The following RALGAPB variants were observed in gnomAD, a reference collection of about 807,000 sequenced individuals.
The protein encoded by RALGAPB is Ral GTPase activating protein non-catalytic subunit beta.
A neutral mutation model predicts 161.1 loss-of-function variants in RALGAPB; 25 were observed. The ratio of observed to expected loss-of-function variants is 0.16; its 90% confidence interval spans 0.11 to 0.22. The LOEUF is 0.22. RALGAPB is among the 10% of genes least tolerant of loss of function. RALGAPB has a pLI of 1.00. For missense variants in RALGAPB, 1,391 were observed against 1,815.2 expected (o/e 0.77, Z 4.25); for synonymous variants, 629 against 626.1 (o/e 1.00, Z -0.07).
chr20:38,567,850 T>G (rs1258326433), intron 26 of RALGAPB, among the ~76,000 whole-genome samples: 1 of 152,196 alleles, frequency 6.6e-6, no homozygotes, highest in Non-Finnish European at 1.5e-5. Context: ...TTAGCTTCCT[T>G]CCACAGTGAA....
chr20:38,554,368 G>T (rs1241639538), intron 22 of RALGAPB, among the ~76,000 whole-genome samples: 1 of 152,098 alleles, frequency 6.6e-6, no homozygotes, highest in African/African-American at 2.4e-5. Context: ...ACAGATAAAT[G>T]AAATCTATAG....
At chr20:38,518,440 T>A (rs1427937735) in intron 9 of RALGAPB, among the ~76,000 whole-genome samples, 1 of 152,242 alleles carries the variant, frequency 6.6e-6, no homozygotes, top group Non-Finnish European at 1.5e-5. Flanking sequence ...CACACTACAC[T>A]CTGACCTCTC....
chr20:38,481,115 C>T (rs2084954680), intron 1 of RALGAPB, among the ~76,000 whole-genome samples: 1 of 152,154 alleles, frequency 6.6e-6, no homozygotes, highest in African/African-American at 2.4e-5. Flanking sequence ...CTTCAATGCA[C>T]AATTCGTATG....
At chr20:38,491,708 G>A (rs1354765990) in intron 2 of RALGAPB, among the ~76,000 whole-genome samples, 1 of 152,112 alleles carries the variant, frequency 6.6e-6, no homozygotes, top group East Asian at 1.9e-4. Flanking sequence ...TTTCTTATGT[G>A]TACAGTAAGG....
intron 1 of RALGAPB, among the ~76,000 whole-genome samples, chr20:38,479,637 C>T (rs1199997341): frequency 6.6e-6 from 1 of 152,144 alleles, no homozygotes; most frequent in Non-Finnish European, 1.5e-5. Context: ...GACTTCTTCC[C>T]CTTCTTCCCA....
intron 6 of RALGAPB, among the ~76,000 whole-genome samples, chr20:38,514,272 A>G (rs993915175): frequency 2.0e-5 from 3 of 152,194 alleles, no homozygotes; most frequent in African/African-American, 7.2e-5. Context: ...TTCTTTCTCC[A>G]GCAGGCTTGC....
Position 38,497,521 on chromosome 20 carries a change from GTTTATT to G in RALGAPB, c.553+9_553+14del. The G allele has an allele frequency of 6.3e-7, 1 of 1,587,004 alleles. No individual in the cohort carries two copies. The highest frequency in any genetic ancestry group is 8.5e-7 in the Non-Finnish European group (1 of 1,171,652). ...TGGCCCCACCAACTGTTCAAGGTTT[GTTTATT>G]TTTTTTTTTCTAATTTATTTCTGAG... On this transcript the variant is annotated splice_donor_region_variant and intron_variant, in intron 4 of 29. Coordinates refer to ENST00000262879, the MANE Select transcript of RALGAPB (RefSeq NM_020336.4).
Position 38,568,181 on chromosome 20 carries a change from C to T in RALGAPB, c.3954+949C>T, listed in dbSNP as rs545007642. On this transcript the variant is annotated intron_variant, in intron 26 of 29. Coordinates refer to ENST00000262879, the MANE Select transcript of RALGAPB (RefSeq NM_020336.4). ...TGCCAGCATAGTTATTCCTTAGAAC[C>T]CAGATAAAGCACCATGTTTTTGTTT... 1.5e-4 allele frequency among the ~76,000 whole-genome samples: 23 copies of T among 151,888 alleles called. No homozygotes were observed. In the South Asian group the frequency reaches 4.8e-3, roughly 32 times the overall value.
In RALGAPB at chr20:38,574,416, A is replaced by G. The variant is rs1325774183; in HGVS notation, c.4291+118A>G. 6 of 1,156,094 alleles carry G rather than the reference A, an allele frequency of 5.2e-6. No homozygotes were observed. The African/African-American group carries it at 6.4e-5, about 12-fold the overall frequency. 71.6% of individuals were successfully genotyped at this position (1,156,094 alleles called of 1,614,324 possible). A position where few individuals can be genotyped will look rare whatever the true frequency, so the allele number is the denominator to read the frequency against. On this transcript the variant is annotated intron_variant, in intron 29 of 29. Coordinates refer to ENST00000262879, the MANE Select transcript of RALGAPB (RefSeq NM_020336.4). ...AATTAATAGCTTCCACATGTAGGAA[A>G]TGGTATGGCTCTTGTTAAAAAGGGA...
At chr20:38,561,528 G>A (rs2087785873) in intron 23 of RALGAPB, among the ~76,000 whole-genome samples, 1 of 152,282 alleles carries the variant, frequency 6.6e-6, no homozygotes, top group South Asian at 2.1e-4. Flanking sequence ...GGAATTTTTA[G>A]AAATAGTGAT....
intron 14 of RALGAPB, 134 bp from the exon 15 acceptor site, chr20:38,532,596 A>G: frequency 9.3e-7 from 1 of 1,081,020 alleles, no homozygotes; most frequent in Non-Finnish European, 1.3e-6. Context: ...ATCCCTTGTC[A>G]ATTTCTGTTA....
intron 1 of RALGAPB, among the ~76,000 whole-genome samples, chr20:38,486,656 C>T (rs751371724): frequency 6.6e-6 from 1 of 151,640 alleles, no homozygotes; most frequent in African/African-American, 2.4e-5. Context: ...AATCTGTTTT[C>T]TTCCAATAAT....
At chr20:38,567,022 CATA>C (rs2088026154) in intron 25 of RALGAPB, 71 bp from the exon 26 acceptor site, 1 of 1,530,434 alleles carries the variant, frequency 6.5e-7, no homozygotes, top group Non-Finnish European at 8.8e-7. Context: ...GACTGGTGAG[CATA>C]ATTAGTTTTA....
Position 38,576,054 on chromosome 20 carries a change from G to C in RALGAPB, c.*1087G>C, listed in dbSNP as rs2088422839. The C allele has an allele frequency of 6.6e-6, 1 of 152,364 alleles. No homozygotes were observed. Among genetic ancestry groups the C allele is most frequent in the East Asian group, 1.9e-4 (1 of 5,162 alleles). 9.4% of individuals were successfully genotyped at this position (152,364 alleles called of 1,614,324 possible). A position where few individuals can be genotyped will look rare whatever the true frequency, so the allele number is the denominator to read the frequency against. ...GAAATGGCTGTTGTCATGTTTTCTG[G>C]ACTTTGCCAGCCAACAGATCCCTGC... On this transcript the variant is annotated 3_prime_UTR_variant, in exon 30 of 30. Coordinates refer to ENST00000262879, the MANE Select transcript of RALGAPB (RefSeq NM_020336.4).
chr20:38,485,372 C>T (rs1487257261), intron 1 of RALGAPB, among the ~76,000 whole-genome samples: 3 of 152,164 alleles, frequency 2.0e-5, no homozygotes, highest in African/African-American at 7.2e-5. Context: ...AAAATCATTG[C>T]CCTAATCTCT....
chr20:38,539,826 G>C lies in RALGAPB; in HGVS notation c.2430G>C (p.Val810=). The change falls in exon 17 of 30, where the codon GTG becomes GTC. Residue 810 remains valine, a synonymous_variant. Coordinates refer to ENST00000262879, the MANE Select transcript of RALGAPB (RefSeq NM_020336.4). ...SGDRKRAISS[V]CTYIVYQCSR... ...ACCGGAAGCGAGCCATCAGTTCTGT[G>C]TGCACCTACATTGTTTATCAGTGTA... 6.2e-7 allele frequency: 1 copy of C among 1,613,982 alleles called. No individual in the cohort carries two copies. The highest frequency in any genetic ancestry group is 8.5e-7 in the Non-Finnish European group (1 of 1,179,968).
intron 6 of RALGAPB, among the ~76,000 whole-genome samples, chr20:38,509,663 A>G (rs1600893045): frequency 6.6e-6 from 1 of 152,172 alleles, no homozygotes; most frequent in East Asian, 1.9e-4. Flanking sequence ...GTATACTGCT[A>G]CTTCCTGCTG....
Position 38,517,957 on chromosome 20 carries a change from C to T in RALGAPB, c.1374C>T (p.His458=). 1 of 1,613,766 alleles carries T rather than the reference C, an allele frequency of 6.2e-7. No homozygotes were observed. The highest frequency in any genetic ancestry group is 8.5e-7 in the Non-Finnish European group (1 of 1,179,634). ...GGTTATTTGATGCAGCATTTGTTCA[C>T]TGTAAACTTCATAATGGGATAAACA... ...GSWLFDAAFV[H]CKLHNGINRD... is the part of the protein sequence containing the mutation. The change falls in exon 9 of 30, where the codon CAC becomes CAT. Residue 458 remains histidine, a synonymous_variant. Transcript: ENST00000262879.
At chr20:38,527,627 G>T (rs1280971588) in intron 13 of RALGAPB, among the ~76,000 whole-genome samples, 1 of 152,162 alleles carries the variant, frequency 6.6e-6, no homozygotes, top group African/African-American at 2.4e-5. Context: ...TCTACCAGTG[G>T]CATTGATAAT....
Sources: gnomAD v4.1 joint callset for allele counts (sites outside exome capture counted in the v4.1 genomes callset) on GRCh38, gnomAD v4.1.1 for gene constraint, MANE v1.5 for transcripts, NCBI Gene and HGNC (gene_info 2026-07-23, HGNC 2026-07-21) for gene names.